Variants in ZCCHC2 observed in about 807,000 individuals in gnomAD.
ZCCHC2 encodes the protein zinc finger CCHC-type containing 2.
Under a neutral mutation model 103.6 loss-of-function variants are expected in ZCCHC2, and 39 were observed. The observed-to-expected ratio is 0.38, with a 90% CI of 0.29 to 0.49. ZCCHC2 has a LOEUF of 0.49. Ranked by LOEUF, ZCCHC2 falls within the 20% of genes least tolerant of loss-of-function variation. The pLI, the probability that ZCCHC2 is intolerant of heterozygous loss-of-function variation, is 0.96. For synonymous variants in ZCCHC2, 687 were observed against 608.9 expected (o/e 1.13, Z -1.89); for missense variants, 1,483 against 1,491.0 (o/e 0.99, Z 0.09).
rs1477427127 is a variant in ZCCHC2, at chr18:62,523,761, G to C, written c.337G>C (p.Glu113Gln). ...GLVLGSAQRL[E>Q]FMCGLLDLCN... ...GGTGCTGGGCTCGGCGCAGCGCCTG[G>C]AGTTCATGTGCGGGCTGCTGGACCT... Residue 113 changes from glutamate to glutamine, a missense_variant, in exon 1 of 14, where the codon GAG becomes CAG. Physicochemically the swap from Glu to Gln is conservative, Grantham distance 29 (BLOSUM62 2). Transcript: ENST00000269499. 6.5e-7 allele frequency: 1 copy of C among 1,534,386 alleles called. No individual in the cohort carries two copies. The highest frequency in any genetic ancestry group is 8.7e-7 in the Non-Finnish European group (1 of 1,145,480).
Position 62,533,120 on chromosome 18 carries a change from T to C in ZCCHC2, c.940-6561T>C, listed in dbSNP as rs1019873004. 1.3e-4 allele frequency among the ~76,000 whole-genome samples: 20 copies of C among 152,200 alleles called. 1 individual carries two copies. Among genetic ancestry groups the C allele is most frequent in the Admixed American group, 1.0e-3 (16 of 15,294 alleles). On this transcript the variant is annotated intron_variant, in intron 1 of 13. Coordinates refer to ENST00000269499, the MANE Select transcript of ZCCHC2 (RefSeq NM_017742.6). ...TAAATTTGATCTTTCACACTAGAAT[T>C]TTAAGTTCCCCAAAGGCTCGGGCAT...
intron 1 of ZCCHC2, among the ~76,000 whole-genome samples, chr18:62,536,293 A>C (rs1914919522): frequency 6.6e-6 from 1 of 152,218 alleles, no homozygotes; most frequent in African/African-American, 2.4e-5. Context: ...AGAAAGGAGA[A>C]TGCACTCCTA....
intron 1 of ZCCHC2, among the ~76,000 whole-genome samples, chr18:62,537,564 C>G (rs1440858666): frequency 6.6e-6 from 1 of 152,164 alleles, no homozygotes; most frequent in African/African-American, 2.4e-5. Context: ...GCTTATTTCA[C>G]CTAGCATACT....
chr18:62,561,106 A>G (rs1916097107), intron 8 of ZCCHC2, among the ~76,000 whole-genome samples: 1 of 152,016 alleles, frequency 6.6e-6, no homozygotes, highest in South Asian at 2.1e-4. Context: ...TTGTGTACTC[A>G]TTCCTTCCTG....
chr18:62,537,504 T>C (rs1205954171), intron 1 of ZCCHC2, among the ~76,000 whole-genome samples: 1 of 152,210 alleles, frequency 6.6e-6, no homozygotes, highest in Non-Finnish European at 1.5e-5. Flanking sequence ...TTGACTATTC[T>C]AGGTATCTCA....
chr18:62,563,644 GA>G (rs1195326548), intron 9 of ZCCHC2, among the ~76,000 whole-genome samples: 9 of 152,282 alleles, frequency 5.9e-5, no homozygotes, highest in African/African-American at 1.7e-4. Context: ...GCAACAGAGT[GA>G]AACCCTGTCT....
intron 1 of ZCCHC2, among the ~76,000 whole-genome samples, chr18:62,538,880 T>A (rs1915046806): frequency 6.6e-6 from 1 of 152,212 alleles, no homozygotes; most frequent in Admixed American, 6.5e-5. Context: ...AAATCATAAT[T>A]GATTCTTAAA....
chr18:62,531,499 A>C (rs1323435329), intron 1 of ZCCHC2, among the ~76,000 whole-genome samples: 26 of 152,360 alleles, frequency 1.7e-4, no homozygotes, highest in Admixed American at 1.4e-3. Flanking sequence ...CAGAGTGTCC[A>C]GTATAAAATA....
intron 1 of ZCCHC2, among the ~76,000 whole-genome samples, chr18:62,528,596 C>T (rs1439330700): frequency 1.2e-5 from 1 of 80,736 alleles, no homozygotes; most frequent in African/African-American, 4.1e-5. Context: ...GAGACTGTCT[C>T]GGGAAAAAAA....
At chr18:62,549,027 G>T (rs1253728875) in intron 4 of ZCCHC2, among the ~76,000 whole-genome samples, 1 of 151,458 alleles carries the variant, frequency 6.6e-6, no homozygotes, top group African/African-American at 2.4e-5. Flanking sequence ...AGACCATCCT[G>T]ACTAACACGG....
In ZCCHC2 at chr18:62,574,308, G is replaced by A. The variant is rs747142530; in HGVS notation, c.2227G>A (p.Ala743Thr). 110 of 1,613,902 alleles carry A rather than the reference G, an allele frequency of 6.8e-5. No homozygotes were observed. In the Middle Eastern group the frequency reaches 1.2e-3, roughly 17 times the overall value. Residue 743 changes from alanine (A) to threonine (T), a missense_variant, in exon 13 of 14, where the codon GCT becomes ACT. By Grantham distance (58) the Ala-to-Thr change is moderately conservative. Around this residue, in one of 3 missense-constraint regions of ZCCHC2, gnomAD observed 884 missense variants for 907.5 expected, o/e 0.97. Transcript: ENST00000269499. ...SEVVVPAPKP[A>T]DGKTIGMLVP... is the part of the protein sequence containing the mutation. ...AGTTGTCGTTCCTGCACCCAAACCC[G>A]CTGATGGCAAAACCATAGGGATGCT...
In ZCCHC2 at chr18:62,523,267, C is replaced by T; in HGVS notation, c.-158C>T. 1.6e-6 allele frequency: 1 copy of T among 630,810 alleles called. No individual in the cohort carries two copies. The highest frequency in any genetic ancestry group is 2.0e-6 in the Non-Finnish European group (1 of 505,950). The allele number at this position is 630,810 out of a possible 1,614,324, so 39.1% of individuals were successfully genotyped here. A position where few individuals can be genotyped will look rare whatever the true frequency, so the allele number is the denominator to read the frequency against. ...AGCGACCCCGCCGGCCGGCCACCGCCCCCCTCGCCGGCCGAGACCCGCCCC... is the reference window on the plus strand; with the variant it reads ...AGCGACCCCGCCGGCCGGCCACCGCTCCCCTCGCCGGCCGAGACCCGCCCC... On this transcript the variant is annotated 5_prime_UTR_variant, in exon 1 of 14. Transcript: ENST00000269499.
At position 62,575,126 on chromosome 18, in the gene ZCCHC2, T is replaced by C; in HGVS notation, c.3045T>C (p.Cys1015=). 1 of 1,614,022 alleles carries C rather than the reference T, an allele frequency of 6.2e-7. No homozygotes were observed. The highest frequency in any genetic ancestry group is 2.2e-5 in the East Asian group (1 of 44,888). The change falls in exon 13 of 14, where the codon TGT becomes TGC. Residue 1015 remains cysteine (C), a synonymous_variant. Coordinates refer to ENST00000269499, the MANE Select transcript of ZCCHC2 (RefSeq NM_017742.6). ...QQMGSGPCGS[C]GRRCSCGTNG... ...TGGGCTCAGGTCCTTGTGGTTCTTG[T>C]GGGCGAAGGTGCAGCTGTGGGACCA...
At position 62,523,372 on chromosome 18, in the gene ZCCHC2, C is replaced by CGCGGGGGGGG; in HGVS notation, c.-49_-48insGGGGGGGCGG. ...CGCCGCCTCGGCCCGTGCTCCACCT[C>CGCGGGGGGGG]GCGGCCCCTCCCGCCCGCCCCCGCT... On this transcript the variant is annotated 5_prime_UTR_variant, in exon 1 of 14. Coordinates refer to ENST00000269499, the MANE Select transcript of ZCCHC2 (RefSeq NM_017742.6). 9.9e-7 allele frequency: 1 copy of CGCGGGGGGGG among 1,014,084 alleles called. No homozygotes were observed. Among genetic ancestry groups the CGCGGGGGGGG allele is most frequent in the Non-Finnish European group, 1.2e-6 (1 of 850,406 alleles). 62.8% of individuals were successfully genotyped at this position (1,014,084 alleles called of 1,614,324 possible).
chr18:62,554,578 G>T (rs1915802813), intron 5 of ZCCHC2, among the ~76,000 whole-genome samples: 1 of 152,128 alleles, frequency 6.6e-6, no homozygotes, highest in South Asian at 2.1e-4. Flanking sequence ...TCTCATTTGT[G>T]GTTTAAATGT....
intron 7 of ZCCHC2, among the ~76,000 whole-genome samples, chr18:62,559,950 A>G (rs1654253966): frequency 6.6e-6 from 1 of 152,248 alleles, no homozygotes; most frequent in African/African-American, 2.4e-5. Flanking sequence ...TAAGTAATCT[A>G]GAGATGATTT....
chr18:62,528,308 C>T (rs1037594617), intron 1 of ZCCHC2, among the ~76,000 whole-genome samples: 2 of 152,196 alleles, frequency 1.3e-5, no homozygotes, highest in Non-Finnish European at 2.9e-5. Context: ...AAAAGAAAAC[C>T]TTGCGGCCAG....
chr18:62,535,260 G>A (rs1914871913), intron 1 of ZCCHC2, among the ~76,000 whole-genome samples: 1 of 152,212 alleles, frequency 6.6e-6, no homozygotes, highest in Admixed American at 6.5e-5. Context: ...AGATGTGGGG[G>A]CTGCTGGCCC....
intron 1 of ZCCHC2, 46 bp downstream of exon 1, chr18:62,524,409 C>A: frequency 7.0e-7 from 1 of 1,429,524 alleles, no homozygotes. Context: ...GATCGCTGCC[C>A]CGGCGGCCTC....
Sources: allele counts gnomAD v4.1 joint callset (sites outside exome capture counted in the v4.1 genomes callset), GRCh38; gene constraint gnomAD v4.1.1; regional missense constraint gnomAD v4.1.1; transcripts MANE v1.5; gene names NCBI Gene and HGNC (gene_info 2026-07-23, HGNC 2026-07-21).